FARS2: variants seen among roughly 807,000 people sequenced by gnomAD.
The protein encoded by FARS2 is phenylalanine--tRNA ligase, mitochondrial.
Under a neutral mutation model 46.4 loss-of-function variants are expected in FARS2, and 40 were observed. The ratio of observed to expected loss-of-function variants is 0.86; its 90% CI spans 0.67 to 1.12. FARS2 has a LOEUF of 1.12. Ranked by LOEUF, FARS2 falls within the 50% of genes most tolerant of loss-of-function variation. The pLI is 0.00. For synonymous variants in FARS2, 234 were observed against 214.9 expected, an observed-to-expected ratio of 1.09 and a Z score of -0.78; for missense variants, 513 against 567.9, an observed-to-expected ratio of 0.90 and a Z score of 0.98.
intron 6 of FARS2, among the ~76,000 whole-genome samples, chr6:5,626,146 G>T (rs1776019221): frequency 6.6e-6 from 1 of 152,090 alleles, no homozygotes; most frequent in Non-Finnish European, 1.5e-5. Context: ...CCTGAAGGAG[G>T]CCTGGTACGA....
intron 6 of FARS2, among the ~76,000 whole-genome samples, chr6:5,755,604 CTT>C (rs924079514): frequency 6.6e-6 from 1 of 152,082 alleles, no homozygotes; most frequent in African/African-American, 2.4e-5. Flanking sequence ...CATTTAAGTA[CTT>C]TTTTTATTGT....
chr6:5,314,321 TG>T (rs1212697392), intron 1 of FARS2, among the ~76,000 whole-genome samples: 1 of 151,914 alleles, frequency 6.6e-6, no homozygotes. Flanking sequence ...ATGGATGGTG[TG>T]GGTGTGATGG....
intron 3 of FARS2, among the ~76,000 whole-genome samples, chr6:5,426,846 G>A (rs567769759): frequency 3.3e-5 from 5 of 152,200 alleles, no homozygotes; most frequent in Admixed American, 3.3e-4. Flanking sequence ...GGCTGGTCTC[G>A]AACTCCTGAT....
intron 2 of FARS2, among the ~76,000 whole-genome samples, chr6:5,379,599 C>G (rs1759621088): frequency 1.3e-5 from 2 of 152,154 alleles, no homozygotes; most frequent in Non-Finnish European, 2.9e-5. Flanking sequence ...TGGTGCCATG[C>G]TGGTGAAATT....
chr6:5,294,659 CAG>C (rs760879008), intron 1 of FARS2, among the ~76,000 whole-genome samples: 9 of 152,126 alleles, frequency 5.9e-5, no homozygotes, highest in Non-Finnish European at 1.0e-4. Flanking sequence ...TCACAGGACT[CAG>C]GGGAAAACTT....
At chr6:5,551,048 C>T (rs192104120) in intron 5 of FARS2, among the ~76,000 whole-genome samples, 14 of 152,290 alleles carry the variant, frequency 9.2e-5, no homozygotes, top group Admixed American at 8.5e-4. Context: ...TAAGAATTTC[C>T]CAAATTATCT....
chr6:5,457,545 T>G (rs1231613138), intron 4 of FARS2, among the ~76,000 whole-genome samples: 1 of 152,246 alleles, frequency 6.6e-6, no homozygotes, highest in Non-Finnish European at 1.5e-5. Flanking sequence ...CCTTTTGACA[T>G]GGTTATTTGA....
chr6:5,651,917 C>A (rs1213820683), intron 6 of FARS2, among the ~76,000 whole-genome samples: 1 of 152,108 alleles, frequency 6.6e-6, no homozygotes, highest in Non-Finnish European at 1.5e-5. Flanking sequence ...ACCCCCTTGA[C>A]AACAGGAGAA....
chr6:5,718,333 T>C (rs568098296), intron 6 of FARS2, among the ~76,000 whole-genome samples: 1 of 152,370 alleles, frequency 6.6e-6, no homozygotes, highest in African/African-American at 2.4e-5. Flanking sequence ...TTGCTAGTTC[T>C]CAGTGCCCAC....
chr6:5,647,143 T>C (rs1440851602), intron 6 of FARS2, among the ~76,000 whole-genome samples: 2 of 152,364 alleles, frequency 1.3e-5, no homozygotes, highest in East Asian at 3.9e-4. Flanking sequence ...TATTGCTTAC[T>C]ACTCTTTTGT....
chr6:5,482,705 A>G (rs1448155580), intron 4 of FARS2, among the ~76,000 whole-genome samples: 3 of 152,214 alleles, frequency 2.0e-5, no homozygotes, highest in African/African-American at 7.2e-5. Flanking sequence ...GGGGAAGCAC[A>G]GAGAAAAAAA....
At chr6:5,724,105 C>T (rs1760102572) in intron 6 of FARS2, among the ~76,000 whole-genome samples, 1 of 152,198 alleles carries the variant, frequency 6.6e-6, no homozygotes, top group Non-Finnish European at 1.5e-5. Context: ...CTTTTCCCCA[C>T]ACTGCATGGT....
At chr6:5,453,600 T>C (rs1298695347) in intron 4 of FARS2, among the ~76,000 whole-genome samples, 1 of 152,220 alleles carries the variant, frequency 6.6e-6, no homozygotes, top group African/African-American at 2.4e-5. Flanking sequence ...CTGTTTAACA[T>C]ATGATGAAGT....
chr6:5,709,023 T>G (rs966693157), intron 6 of FARS2, among the ~76,000 whole-genome samples: 2 of 152,244 alleles, frequency 1.3e-5, no homozygotes, highest in African/African-American at 4.8e-5. Flanking sequence ...CTTCCTCCCT[T>G]GTCGTGAACA....
intron 1 of FARS2, among the ~76,000 whole-genome samples, chr6:5,284,652 C>T (rs1221739152): frequency 6.6e-6 from 1 of 152,206 alleles, no homozygotes; most frequent in Admixed American, 6.5e-5. Flanking sequence ...TACATTAACA[C>T]TCCCTCACCT....
At chr6:5,594,089 G>A (rs1208867059) in intron 5 of FARS2, among the ~76,000 whole-genome samples, 1 of 152,152 alleles carries the variant, frequency 6.6e-6, no homozygotes, top group African/African-American at 2.4e-5. Context: ...TATTTTTTGG[G>A]TGGAAGGGAA....
chr6:5,568,353 C>T (rs1022980380), intron 5 of FARS2, among the ~76,000 whole-genome samples: 1 of 152,170 alleles, frequency 6.6e-6, no homozygotes, highest in Non-Finnish European at 1.5e-5. Flanking sequence ...TTATCCCAAA[C>T]ACAAGAGCGT....
At chr6:5,756,602 A>G (rs1001413239) in intron 6 of FARS2, among the ~76,000 whole-genome samples, 1 of 152,180 alleles carries the variant, frequency 6.6e-6, no homozygotes, top group South Asian at 2.1e-4. Flanking sequence ...TTTTCCCATC[A>G]TCCAATCACT....
At chr6:5,434,626 G>C (rs1161332157) in intron 4 of FARS2, among the ~76,000 whole-genome samples, 1 of 152,176 alleles carries the variant, frequency 6.6e-6, no homozygotes, top group African/African-American at 2.4e-5. Flanking sequence ...ACATTTGTAA[G>C]TGCAGCTAAA....
Sources: allele counts gnomAD v4.1 joint callset (sites outside exome capture counted in the v4.1 genomes callset), GRCh38; gene constraint gnomAD v4.1.1; transcripts MANE v1.5; gene names NCBI Gene and HGNC (gene_info 2026-07-23, HGNC 2026-07-21).